The following FOXN2 variants were observed in gnomAD, a reference collection of about 807,000 sequenced individuals.
The protein encoded by FOXN2 is forkhead box N2.
Under a neutral mutation model 41.2 loss-of-function variants are expected in FOXN2, and 19 were observed. That is an observed-to-expected ratio of 0.46 (90% CI 0.32 to 0.68). The LOEUF is 0.68. Among genes scored for constraint, FOXN2 ranks in the 30% least tolerant of loss-of-function variants. The probability of loss-of-function intolerance (pLI) is 0.03; values close to 1 mark genes in which losing one functional copy is unlikely to be tolerated. For missense variants in FOXN2, 587 were observed against 509.4 expected (o/e 1.15, Z -1.47); for synonymous variants, 195 against 176.8 (o/e 1.10, Z -0.82).
upstream of FOXN2, chr2:48,314,500 CGGTAGGA>C (rs1668748677): frequency 1.3e-5 from 2 of 152,458 alleles, no homozygotes. Flanking sequence ...CCCCTCCCTT[CGGTAGGA>C]GGTGGGCGGG....
intron 1 of FOXN2, among the ~76,000 whole-genome samples, chr2:48,321,404 C>T (rs895658527): frequency 1.3e-5 from 2 of 152,004 alleles, no homozygotes; most frequent in Non-Finnish European, 2.9e-5. Flanking sequence ...GGCGTGGTGG[C>T]GAGTGCCTGT....
intron 1 of FOXN2, among the ~76,000 whole-genome samples, chr2:48,326,235 G>C (rs1446804470): frequency 6.6e-6 from 1 of 152,186 alleles, no homozygotes; most frequent in Non-Finnish European, 1.5e-5. Context: ...GTTCCAGGCA[G>C]AGGGACTAGG....
chr2:48,355,112 T>C (rs1671703215), intron 3 of FOXN2, among the ~76,000 whole-genome samples: 1 of 152,174 alleles, frequency 6.6e-6, no homozygotes, highest in South Asian at 2.1e-4. Flanking sequence ...TGTGAAAATA[T>C]TCACAGTGGT....
intron 3 of FOXN2, among the ~76,000 whole-genome samples, chr2:48,351,759 A>G (rs749883873): frequency 2.0e-4 from 31 of 152,032 alleles, no homozygotes; most frequent in South Asian, 4.1e-4. Context: ...CTGCTCTGTG[A>G]CCTGTTTCCT....
rs577439101 is a variant in FOXN2, at chr2:48,352,878, A to T, written c.537+6127A>T. ...AAAGCCAGGGGTTAGATTCAAGAAA[A>T]AGCAGTATCTAGTAGCACCTATAAA... is the stretch of plus-strand genomic sequence containing the variant. On this transcript the variant is annotated intron_variant, in intron 3 of 6. Transcript: ENST00000340553. Among the ~76,000 whole-genome samples, 4 of 152,332 alleles carry T rather than the reference A, an allele frequency of 2.6e-5. No homozygotes were observed. The South Asian group carries it at 8.3e-4, about 32-fold the overall frequency.
At chr2:48,373,188 A>G in intron 5 of FOXN2, 104 bp from the exon 6 acceptor site, 2 of 756,438 alleles carry the variant, frequency 2.6e-6, no homozygotes, top group Admixed American at 2.6e-5. Flanking sequence ...TTCTTAGAAT[A>G]TACACCAAAA....
In FOXN2 at chr2:48,358,036, T is replaced by G. The variant is rs151126602; in HGVS notation, c.538-1011T>G. Among the ~76,000 whole-genome samples, 369 of 152,284 alleles carry G rather than the reference T, an allele frequency of 2.4e-3. 6 individuals are homozygous for G. Among genetic ancestry groups the G allele is most frequent in the Admixed American group, 0.021 (322 of 15,288 alleles). On this transcript the variant is annotated intron_variant, in intron 3 of 6. Coordinates refer to ENST00000340553, the MANE Select transcript of FOXN2 (RefSeq NM_002158.4). Reference sequence around the variant, plus strand: ...CTATTTATATAAATTGCCAGCATAGTAAAAAACTGCCTTACACTCAATTGC... The same window carrying G: ...CTATTTATATAAATTGCCAGCATAGGAAAAAACTGCCTTACACTCAATTGC...
intron 5 of FOXN2, among the ~76,000 whole-genome samples, chr2:48,369,882 C>T (rs1672775501): frequency 6.6e-6 from 1 of 151,658 alleles, no homozygotes. Context: ...TGCCTGTGGT[C>T]CCAGCTACTT....
At chr2:48,361,932 A>C (rs150047272) in intron 4 of FOXN2, among the ~76,000 whole-genome samples, 5 of 152,316 alleles carry the variant, frequency 3.3e-5, no homozygotes, top group Non-Finnish European at 7.3e-5. Context: ...GGTAATACCT[A>C]TATTAGTATT....
At chr2:48,358,055 C>CA (rs1671924740) in intron 3 of FOXN2, among the ~76,000 whole-genome samples, 1 of 152,060 alleles carries the variant, frequency 6.6e-6, no homozygotes. Context: ...GCCTTACACT[C>CA]AATTGCTACA....
intron 2 of FOXN2, among the ~76,000 whole-genome samples, chr2:48,341,082 T>C (rs1196690899): frequency 6.6e-6 from 1 of 152,198 alleles, no homozygotes; most frequent in Non-Finnish European, 1.5e-5. Context: ...GGCCTTTTTT[T>C]TGAGTAATAT....
intron 3 of FOXN2, among the ~76,000 whole-genome samples, chr2:48,356,205 C>A (rs1671782806): frequency 6.6e-6 from 1 of 152,132 alleles, no homozygotes; most frequent in Non-Finnish European, 1.5e-5. Flanking sequence ...ACTTTGGGAG[C>A]CGAGGCAGGT....
rs968363305 is a variant in FOXN2 at position 48,342,471 on chromosome 2, A to C, written c.-14-3730A>C. Among the ~76,000 whole-genome samples, 5 of 152,242 alleles carry C rather than the reference A, an allele frequency of 3.3e-5. No homozygotes were observed. In the East Asian group the frequency reaches 9.6e-4, roughly 29 times the overall value. The stretch of plus-strand genomic sequence containing the variant: ...TGGAATTGTTGGGTCAAAGAATGAA[A>C]TTTTTAATAATTCGTGATACACATT... On this transcript the variant is annotated intron_variant, in intron 2 of 6. Coordinates refer to ENST00000340553, the MANE Select transcript of FOXN2 (RefSeq NM_002158.4).
chr2:48,365,988 G>C (rs547650636), intron 5 of FOXN2, among the ~76,000 whole-genome samples: 1 of 152,290 alleles, frequency 6.6e-6, no homozygotes, highest in African/African-American at 2.4e-5. Flanking sequence ...TGTTGAGCCA[G>C]ACTCCTTGTG....
At chr2:48,347,220 CTT>C (rs751958598) in intron 3 of FOXN2, among the ~76,000 whole-genome samples, 11 of 75,738 alleles carry the variant, frequency 1.5e-4, no homozygotes, top group East Asian at 9.1e-4. Flanking sequence ...TGTTTTGGTG[CTT>C]TTTTTTTTTT....
chr2:48,319,785 ATTT>A lies in FOXN2; in HGVS notation c.-157+4995_-157+4997del, dbSNP rs545797179. ...TCCACCACCCCTGGCTAATTTTTTA[ATTT>A]TTTTTTTTTTTTTTTTTTTTTTTGG... On this transcript the variant is annotated intron_variant, in intron 1 of 6. Coordinates refer to ENST00000340553, the MANE Select transcript of FOXN2 (RefSeq NM_002158.4). 2.7e-3 allele frequency among the ~76,000 whole-genome samples: 263 copies of A among 98,744 alleles called. 1 individual carries two copies. Among genetic ancestry groups the A allele is most frequent in the African/African-American group, 9.4e-3 (236 of 25,174 alleles). The allele number at this position is 98,744 out of a possible 152,430, so 64.8% of individuals were successfully genotyped here.
intron 5 of FOXN2, among the ~76,000 whole-genome samples, chr2:48,365,771 A>G (rs1033839105): frequency 1.3e-5 from 2 of 152,248 alleles, no homozygotes; most frequent in African/African-American, 4.8e-5. Flanking sequence ...AAACAAATGC[A>G]CATCTGTCCT....
chr2:48,371,026 A>G (rs1005905293), intron 5 of FOXN2, among the ~76,000 whole-genome samples: 16 of 151,806 alleles, frequency 1.1e-4, no homozygotes, highest in Middle Eastern at 3.4e-3. Flanking sequence ...TATATATCCA[A>G]TTTCTTTTGT....
At chr2:48,344,406 T>TTG (rs1486309564) in intron 2 of FOXN2, among the ~76,000 whole-genome samples, 1 of 152,200 alleles carries the variant, frequency 6.6e-6, no homozygotes. Flanking sequence ...CTCATGGGTG[T>TTG]TGTGTACATA....
Sources: gnomAD v4.1 joint callset for allele counts (sites outside exome capture counted in the v4.1 genomes callset) on GRCh38, gnomAD v4.1.1 for gene constraint, MANE v1.5 for transcripts, NCBI Gene and HGNC (gene_info 2026-07-23, HGNC 2026-07-21) for gene names.